The following ADGRB3 variants were observed in gnomAD, a reference collection of about 807,000 sequenced individuals.
ADGRB3 encodes the protein brain-specific angiogenesis inhibitor 3.
Under a neutral mutation model 193.4 loss-of-function variants are expected in ADGRB3, and 37 were observed. The ratio of observed to expected loss-of-function variants is 0.19; its 90% CI spans 0.15 to 0.25. The LOEUF is 0.25. Among genes scored for constraint, ADGRB3 ranks in the 10% least tolerant of loss-of-function variants. The probability of loss-of-function intolerance (pLI) is 1.00; values close to 1 mark genes in which losing one functional copy is unlikely to be tolerated. For missense variants in ADGRB3, 1,637 were observed against 1,852.9 expected, an observed-to-expected ratio of 0.88 and a Z score of 2.14; for synonymous variants, 690 against 644.2, an observed-to-expected ratio of 1.07 and a Z score of -1.08.
At chr6:68,920,379 C>T (rs1269198876) in intron 3 of ADGRB3, among the ~76,000 whole-genome samples, 1 of 151,514 alleles carries the variant, frequency 6.6e-6, no homozygotes, top group African/African-American at 2.4e-5. Context: ...ATTAGCCGGG[C>T]GTGGTGGTGG....
intron 20 of ADGRB3, among the ~76,000 whole-genome samples, chr6:69,313,298 G>A (rs1327991078): frequency 6.6e-6 from 1 of 151,838 alleles, no homozygotes; most frequent in Admixed American, 6.6e-5. Flanking sequence ...GGAAATACTA[G>A]CTTGACTCAA....
intron 3 of ADGRB3, among the ~76,000 whole-genome samples, chr6:68,879,539 G>T (rs1021245018): frequency 6.6e-6 from 1 of 151,858 alleles, no homozygotes; most frequent in Non-Finnish European, 1.5e-5. Flanking sequence ...ACTTTTTGTT[G>T]CTTTTTATTC....
chr6:68,812,102 A>G (rs2127376061), intron 3 of ADGRB3, among the ~76,000 whole-genome samples: 1 of 152,300 alleles, frequency 6.6e-6, no homozygotes, highest in African/African-American at 2.4e-5. Context: ...GTAAAAGCCT[A>G]AGTTTGTGGT....
chr6:68,764,822 G>A (rs779263855), intron 3 of ADGRB3, among the ~76,000 whole-genome samples: 117 of 152,120 alleles, frequency 7.7e-4, no homozygotes, highest in Non-Finnish European at 6.6e-4. Context: ...AACATGGTGC[G>A]TGGCCTCGTT....
chr6:69,179,878 G>A (rs1383450188), intron 17 of ADGRB3, among the ~76,000 whole-genome samples: 5 of 152,178 alleles, frequency 3.3e-5, no homozygotes, highest in Non-Finnish European at 7.3e-5. Flanking sequence ...CTTGATCCTT[G>A]TTTACTTGGA....
chr6:69,157,486 CT>C (rs1774873998), intron 17 of ADGRB3, among the ~76,000 whole-genome samples: 1 of 152,036 alleles, frequency 6.6e-6, no homozygotes, highest in Admixed American at 6.6e-5. Flanking sequence ...TCTTCCTTTT[CT>C]TTTTTCTTGT....
chr6:68,966,717 A>G (rs1449496968), intron 8 of ADGRB3, among the ~76,000 whole-genome samples: 1 of 152,168 alleles, frequency 6.6e-6, no homozygotes, highest in Non-Finnish European at 1.5e-5. Flanking sequence ...TCAAATTATC[A>G]TCTTTATGAC....
intron 3 of ADGRB3, among the ~76,000 whole-genome samples, chr6:68,813,379 T>C (rs1315302105): frequency 6.6e-6 from 1 of 152,102 alleles, no homozygotes; most frequent in Non-Finnish European, 1.5e-5. Flanking sequence ...CACACTATTT[T>C]TGTACTCACT....
At chr6:68,781,901 G>T (rs1766860873) in intron 3 of ADGRB3, among the ~76,000 whole-genome samples, 1 of 152,090 alleles carries the variant, frequency 6.6e-6, no homozygotes, top group Admixed American at 6.6e-5. Context: ...ACAAGCGAAA[G>T]AAGGGAAGTG....
chr6:69,288,611 A>C (rs1156379078), intron 20 of ADGRB3, among the ~76,000 whole-genome samples: 1 of 152,308 alleles, frequency 6.6e-6, no homozygotes, highest in East Asian at 1.9e-4. Context: ...ACAGCTTGAT[A>C]GAATTTTAAA....
chr6:69,193,904 G>A (rs551442815), intron 17 of ADGRB3, among the ~76,000 whole-genome samples: 18 of 151,908 alleles, frequency 1.2e-4, no homozygotes, highest in African/African-American at 4.3e-4. Context: ...TAAAGCCAGG[G>A]CAAAAAAGTG....
intron 3 of ADGRB3, among the ~76,000 whole-genome samples, chr6:68,825,673 C>A (rs188135989): frequency 1.8e-4 from 27 of 152,198 alleles, no homozygotes; most frequent in Middle Eastern, 3.4e-3. Flanking sequence ...TTCCCCCATG[C>A]TGTTCTCATG....
At chr6:69,130,723 G>C (rs1773986304) in intron 17 of ADGRB3, among the ~76,000 whole-genome samples, 1 of 151,604 alleles carries the variant, frequency 6.6e-6, no homozygotes, top group Non-Finnish European at 1.5e-5. Flanking sequence ...TTATTATTAA[G>C]TTGTAAACTT....
intron 17 of ADGRB3, among the ~76,000 whole-genome samples, chr6:69,132,564 A>C (rs1774041432): frequency 1.3e-5 from 2 of 152,060 alleles, no homozygotes; most frequent in Non-Finnish European, 2.9e-5. Flanking sequence ...ATTTTCTCCC[A>C]TTCTGTAGGC....
At chr6:68,644,704 A>G (rs1274189041) in intron 3 of ADGRB3, among the ~76,000 whole-genome samples, 1 of 152,210 alleles carries the variant, frequency 6.6e-6, no homozygotes, top group East Asian at 1.9e-4. Flanking sequence ...TCCGTTTGCC[A>G]TCTTAGAATT....
chr6:68,874,915 AGT>A (rs1450030260), intron 3 of ADGRB3, among the ~76,000 whole-genome samples: 1 of 152,194 alleles, frequency 6.6e-6, no homozygotes, highest in East Asian at 1.9e-4. Flanking sequence ...GTGCTCTAGT[AGT>A]AGGGCAAATG....
chr6:68,666,527 A>T (rs1768805187), intron 3 of ADGRB3, among the ~76,000 whole-genome samples: 1 of 151,766 alleles, frequency 6.6e-6, no homozygotes. Context: ...TGTTCTGTTG[A>T]CACGCAAGTT....
intron 17 of ADGRB3, 98 bp downstream of exon 17, chr6:69,076,136 T>C: frequency 1.9e-6 from 2 of 1,026,838 alleles, no homozygotes; most frequent in Non-Finnish European, 3.0e-6. Context: ...TATAAGTCAG[T>C]GGGATGTTGC....
chr6:69,349,631 C>T (rs904980479), intron 26 of ADGRB3, among the ~76,000 whole-genome samples: 22 of 152,058 alleles, frequency 1.4e-4, no homozygotes, highest in Admixed American at 1.4e-3. Context: ...TTATGAAAAG[C>T]TGAGCTGTTT....
Sources: allele counts gnomAD v4.1 joint callset (sites outside exome capture counted in the v4.1 genomes callset), GRCh38; gene constraint gnomAD v4.1.1; transcripts MANE v1.5; gene names NCBI Gene and HGNC (gene_info 2026-07-23, HGNC 2026-07-21).